Variants in TANGO6 observed in about 807,000 individuals in gnomAD.
TANGO6 encodes the protein transport and Golgi organization protein 6 homolog.
Under a neutral mutation model 114.2 loss-of-function variants are expected in TANGO6, and 90 were observed. That is an observed-to-expected ratio of 0.79 (90% confidence interval 0.66 to 0.94). The LOEUF (loss-of-function observed/expected upper bound fraction) is 0.94, where lower values mean the gene tolerates loss of function less well. Among genes scored for constraint, TANGO6 ranks in the 40% least tolerant of loss-of-function variants. TANGO6 has a pLI of 0.00. For missense variants in TANGO6, 1,274 were observed against 1,315.3 expected, an observed-to-expected ratio of 0.97 and a Z score of 0.49; for synonymous variants, 477 against 509.8, an observed-to-expected ratio of 0.94 and a Z score of 0.87.
At position 69,040,492 on chromosome 16, in the gene TANGO6, C is replaced by T. The variant is rs1372153476; in HGVS notation, c.3108+71C>T. ...TGTCTATTTCTCAATCTTCCTTTTA[C>T]CAGGGAAGGCCTCAAACCTCTTTCC... On this transcript the variant is annotated intron_variant, in intron 17 of 17. Transcript: ENST00000261778. 10 of 1,275,038 alleles carry T rather than the reference C, an allele frequency of 7.8e-6. No homozygotes were observed. In the African/African-American group the frequency reaches 1.3e-4, roughly 17 times the overall value. 79.0% of individuals were successfully genotyped at this position (1,275,038 alleles called of 1,614,324 possible). A position where few individuals can be genotyped will look rare whatever the true frequency, so the allele number is the denominator to read the frequency against.
In TANGO6 at chr16:68,927,414, G is replaced by C. The variant is rs1366189794; in HGVS notation, c.2128-154G>C. 7.2e-6 allele frequency: 5 copies of C among 697,682 alleles called. No homozygotes were observed. The East Asian group carries it at 1.1e-4, about 15-fold the overall frequency. The allele number at this position is 697,682 out of a possible 1,614,324, so 43.2% of individuals were successfully genotyped here. On this transcript the variant is annotated intron_variant, in intron 12 of 17. Transcript: ENST00000261778. ...TGTTAGGTATGATTATTCAACAAAT[G>C]GTATTCAGTGCTGGACCCAGGCAAT...
At chr16:68,868,986 G>A (rs969417935) in intron 4 of TANGO6, among the ~76,000 whole-genome samples, 6 of 152,020 alleles carry the variant, frequency 3.9e-5, no homozygotes, top group Non-Finnish European at 7.4e-5. Flanking sequence ...TCAATATTCA[G>A]TGTTTATATT....
At chr16:69,040,182 A>G (rs1959750729) in intron 16 of TANGO6, 126 bp from the exon 17 acceptor site, 6 of 753,834 alleles carry the variant, frequency 8.0e-6, no homozygotes, top group Non-Finnish European at 1.3e-5. Context: ...GGATTAAGCA[A>G]CTATCCAGCC....
chr16:69,011,259 C>G (rs114273716), intron 15 of TANGO6, among the ~76,000 whole-genome samples: 2,092 of 152,056 alleles, frequency 0.014, 50 homozygotes, highest in African/African-American at 0.048. Flanking sequence ...AAAGGGGGGG[C>G]AGGAGGAGAA....
At chr16:69,015,224 A>T (rs988285527) in intron 15 of TANGO6, among the ~76,000 whole-genome samples, 2 of 152,156 alleles carry the variant, frequency 1.3e-5, no homozygotes, top group Non-Finnish European at 2.9e-5. Flanking sequence ...GAGGCCTAAG[A>T]GAGGTCCAGT....
At chr16:69,068,070 G>T (rs950004513) in intron 17 of TANGO6, among the ~76,000 whole-genome samples, 1 of 152,068 alleles carries the variant, frequency 6.6e-6, no homozygotes, top group Non-Finnish European at 1.5e-5. Context: ...GAATCTGGGA[G>T]GCAGAGGTTG....
chr16:68,861,547 C>T (rs1016199295), intron 2 of TANGO6, among the ~76,000 whole-genome samples: 3 of 152,174 alleles, frequency 2.0e-5, no homozygotes, highest in African/African-American at 4.8e-5. Context: ...CACCTCCTGC[C>T]TGCACTTCCC....
intron 14 of TANGO6, among the ~76,000 whole-genome samples, chr16:68,951,765 A>T (rs1436526802): frequency 6.6e-6 from 1 of 152,006 alleles, no homozygotes; most frequent in Non-Finnish European, 1.5e-5. Context: ...GGCACCCGCC[A>T]CCACGCCCAG....
chr16:68,943,595 T>G (rs577079835), intron 14 of TANGO6, among the ~76,000 whole-genome samples: 11 of 151,930 alleles, frequency 7.2e-5, no homozygotes, highest in South Asian at 2.1e-4. Flanking sequence ...TCAATCTCCT[T>G]ACCTCGTGAT....
intron 12 of TANGO6, among the ~76,000 whole-genome samples, chr16:68,922,952 T>TTG (rs1567540649): frequency 7.1e-6 from 1 of 140,850 alleles, no homozygotes; most frequent in Non-Finnish European, 1.5e-5. Flanking sequence ...TTTTTTTTTT[T>TTG]TTTTTTTTTT....
chr16:68,946,231 G>A (rs1481891803), intron 14 of TANGO6, among the ~76,000 whole-genome samples: 6 of 148,598 alleles, frequency 4.0e-5, no homozygotes, highest in Admixed American at 1.3e-4. Context: ...TTGCTTTGTC[G>A]CCCAGGCTGG....
chr16:68,963,336 G>C (rs1194733623), intron 14 of TANGO6, among the ~76,000 whole-genome samples: 1 of 152,038 alleles, frequency 6.6e-6, no homozygotes, highest in African/African-American at 2.4e-5. Context: ...GGCTGGTCTT[G>C]AACTCCTGAC....
chr16:68,912,021 G>T (rs1466196194), intron 11 of TANGO6, among the ~76,000 whole-genome samples: 2 of 152,166 alleles, frequency 1.3e-5, no homozygotes, highest in African/African-American at 4.8e-5. Flanking sequence ...ACCCTCATAG[G>T]ACATCTTTGG....
chr16:68,909,518 A>T (rs1477722856), intron 11 of TANGO6, 116 bp downstream of exon 11: 1 of 1,016,040 alleles, frequency 9.8e-7, no homozygotes, highest in Non-Finnish European at 1.3e-6. Context: ...GTTTCCTGGA[A>T]TGCTGGTTAA....
rs779448801 is a variant in TANGO6, at chr16:68,867,113, G to C, written c.887G>C (p.Arg296Pro). The C allele has an allele frequency of 1.2e-6, 2 of 1,613,214 alleles. No individual in the cohort carries two copies. The highest frequency in any genetic ancestry group is 1.3e-5 in the African/African-American group (1 of 74,678). ...GATGTGAAGACACAGATGAGGTGTC[G>C]GGCCCCAGCTTGGCTTCGGCGTCTA... ...CTDVKTQMRC[R>P]APAWLRRLCG... Residue 296 changes from arginine to proline, a missense_variant, in exon 4 of 18, where the codon CGG (arginine) becomes CCG (proline). By Grantham distance (103) the Arg-to-Pro change is moderately radical. Around this residue, in one of 5 missense-constraint regions of TANGO6, gnomAD observed 908 missense variants for 910.2 expected, o/e 1.00. Coordinates refer to ENST00000261778, the MANE Select transcript of TANGO6 (RefSeq NM_024562.2).
intron 15 of TANGO6, among the ~76,000 whole-genome samples, chr16:69,007,623 T>C (rs1355969579): frequency 6.6e-6 from 1 of 152,208 alleles, no homozygotes; most frequent in African/African-American, 2.4e-5. Flanking sequence ...TTTTGGGCTA[T>C]TATGAATAAA....
chr16:68,924,698 G>A (rs1963143826), intron 12 of TANGO6, among the ~76,000 whole-genome samples: 1 of 151,728 alleles, frequency 6.6e-6, no homozygotes, highest in East Asian at 1.9e-4. Flanking sequence ...GCTGAGGCAG[G>A]AGGATCGCTT....
At chr16:69,063,823 A>C (rs142800513) in intron 17 of TANGO6, among the ~76,000 whole-genome samples, 7,751 of 119,086 alleles carry the variant, frequency 0.065, 254 homozygotes, top group African/African-American at 0.12. Flanking sequence ...TATTATTATT[A>C]TTATTATTAT....
At chr16:68,987,615 T>C (rs1438553617) in intron 15 of TANGO6, among the ~76,000 whole-genome samples, 2 of 152,174 alleles carry the variant, frequency 1.3e-5, no homozygotes, top group African/African-American at 4.8e-5. Context: ...GGGATCTGCC[T>C]ACCTTGGCTG....
Sources: gnomAD v4.1 joint callset for allele counts (sites outside exome capture counted in the v4.1 genomes callset) on GRCh38, gnomAD v4.1.1 for gene constraint, gnomAD v4.1.1 regional missense constraint, MANE v1.5 for transcripts, NCBI Gene and HGNC (gene_info 2026-07-23, HGNC 2026-07-21) for gene names.